The following INPP4B variants were observed in gnomAD, a reference collection of about 807,000 sequenced individuals.
INPP4B encodes inositol polyphosphate 4-phosphatase type II.
Under a neutral mutation model 122.5 loss-of-function variants are expected in INPP4B, and 55 were observed. The observed-to-expected ratio is 0.45, with a 90% confidence interval of 0.36 to 0.56. The LOEUF (loss-of-function observed/expected upper bound fraction) is 0.56. INPP4B is among the 20% of genes least tolerant of loss of function. INPP4B has a pLI of 0.00. For missense variants in INPP4B, 1,000 were observed against 1,097.7 expected, an observed-to-expected ratio of 0.91 and a Z score of 1.26; for synonymous variants, 403 against 388.7, an observed-to-expected ratio of 1.04 and a Z score of -0.43.
rs553282726 is a variant in INPP4B at position 142,176,092 on chromosome 4, TC to T, written c.1182-2284del. Among the ~76,000 whole-genome samples, 591 of 150,078 alleles carry T rather than the reference TC, an allele frequency of 3.9e-3. 6 individuals carry two copies. Among genetic ancestry groups the T allele is most frequent in the African/African-American group, 0.013 (553 of 41,046 alleles). The stretch of plus-strand genomic sequence containing the variant: ...GCTCATGGCCTTGTGGGGTCTTCCA[TC>T]TCTCTCTTCACATGACTGCTTTCTT... On this transcript the variant is annotated intron_variant, in intron 15 of 25. Transcript: ENST00000262992.
chr4:142,529,712 G>C lies in INPP4B; in HGVS notation c.-190-66986C>G, dbSNP rs181372547. 4.1e-4 allele frequency among the ~76,000 whole-genome samples: 62 copies of C among 152,070 alleles called. No individual in the cohort carries two copies. In the East Asian group the frequency reaches 0.011, roughly 26 times the overall value. The stretch of plus-strand genomic sequence containing the variant: ...AAGGGGTCCTCAGACAAAAATATTT[G>C]AGAACTACTGGTTTAAATTTTGATT... On this transcript the variant is annotated intron_variant, in intron 2 of 25. Coordinates refer to ENST00000262992, the MANE Select transcript of INPP4B (RefSeq NM_001101669.3).
At chr4:142,114,115 T>G (rs1448586508) in intron 21 of INPP4B, among the ~76,000 whole-genome samples, 2 of 152,126 alleles carry the variant, frequency 1.3e-5, no homozygotes, top group African/African-American at 2.4e-5. Flanking sequence ...GTTTTTGAAG[T>G]CATCCATGTT....
intron 11 of INPP4B, among the ~76,000 whole-genome samples, chr4:142,259,977 TATTTGTTTTTTGTTC>T (rs547628432): frequency 1.5e-3 from 225 of 152,230 alleles, no homozygotes; most frequent in Middle Eastern, 6.8e-3. Context: ...CAGCACATGA[TATTTGTTTTTTGTTC>T]ATTTGTTTTT....
chr4:142,405,170 A>G, intron 6 of INPP4B, 36 bp downstream of exon 6: 1 of 1,226,596 alleles, frequency 8.2e-7, no homozygotes, highest in Non-Finnish European at 1.2e-6. Context: ...AGAGAGAGAG[A>G]GAGAGAGAGA....
intron 1 of INPP4B, among the ~76,000 whole-genome samples, chr4:142,738,312 A>T (rs1244820128): frequency 1.3e-5 from 2 of 152,176 alleles, no homozygotes; most frequent in Non-Finnish European, 2.9e-5. Context: ...CTTTGTAGGG[A>T]CATGCATGAA....
intron 7 of INPP4B, among the ~76,000 whole-genome samples, chr4:142,335,562 A>G (rs1219242395): frequency 6.6e-6 from 1 of 152,198 alleles, no homozygotes; most frequent in Non-Finnish European, 1.5e-5. Context: ...ATTTACATAT[A>G]TTCACATTTC....
chr4:142,038,136 A>G (rs1511249), intron 25 of INPP4B, among the ~76,000 whole-genome samples: 1 of 152,190 alleles, frequency 6.6e-6, no homozygotes, highest in South Asian at 2.1e-4. Flanking sequence ...TAAACTTTCC[A>G]AAGATTACAT....
intron 23 of INPP4B, among the ~76,000 whole-genome samples, chr4:142,091,009 A>T (rs560584415): frequency 9.2e-5 from 14 of 152,292 alleles, no homozygotes; most frequent in Admixed American, 5.9e-4. Flanking sequence ...ATTTTTATGG[A>T]TACATAAATA....
chr4:142,353,860 C>G (rs1782727795), intron 7 of INPP4B, among the ~76,000 whole-genome samples: 1 of 152,020 alleles, frequency 6.6e-6, no homozygotes, highest in South Asian at 2.1e-4. Flanking sequence ...TCACCCTGTT[C>G]TGTGAGTCCC....
intron 5 of INPP4B, among the ~76,000 whole-genome samples, chr4:142,414,791 C>A (rs181434843): frequency 6.6e-6 from 1 of 152,158 alleles, no homozygotes; most frequent in Non-Finnish European, 1.5e-5. Context: ...GGCCTAGCAC[C>A]GCCTATCGTT....
At chr4:142,440,420 A>C (rs760956602) in intron 3 of INPP4B, among the ~76,000 whole-genome samples, 1 of 152,260 alleles carries the variant, frequency 6.6e-6, no homozygotes, top group Non-Finnish European at 1.5e-5. Context: ...ACGGAGCAGC[A>C]GGAATGAAAG....
intron 2 of INPP4B, among the ~76,000 whole-genome samples, chr4:142,557,588 A>T (rs966051078): frequency 1.3e-5 from 2 of 152,216 alleles, no homozygotes; most frequent in Non-Finnish European, 2.9e-5. Flanking sequence ...CCCGATGTCC[A>T]GGCACAGTTC....
chr4:142,344,714 G>T (rs1056837553), intron 7 of INPP4B, among the ~76,000 whole-genome samples: 2 of 152,008 alleles, frequency 1.3e-5, no homozygotes, highest in Non-Finnish European at 2.9e-5. Context: ...GGGCCTATCA[G>T]AGGGTGGAGA....
chr4:142,639,693 G>A (rs770912890), intron 2 of INPP4B, among the ~76,000 whole-genome samples: 2 of 151,964 alleles, frequency 1.3e-5, no homozygotes, highest in African/African-American at 2.4e-5. Context: ...TTTCTGCCAC[G>A]ACCCTAAATC....
intron 8 of INPP4B, among the ~76,000 whole-genome samples, chr4:142,306,523 A>T (rs1051162879): frequency 2.0e-5 from 3 of 152,224 alleles, no homozygotes; most frequent in Admixed American, 6.5e-5. Flanking sequence ...GAGGCTGGAC[A>T]AAGAATTTGA....
chr4:142,219,034 G>A (rs966389208), intron 12 of INPP4B, among the ~76,000 whole-genome samples: 9 of 152,022 alleles, frequency 5.9e-5, no homozygotes, highest in African/African-American at 2.2e-4. Context: ...CATAAATCAC[G>A]GGCCTATTTT....
Position 142,120,288 on chromosome 4 carries a change from C to T in INPP4B, c.2135+1840G>A, listed in dbSNP as rs188606444. Reference sequence around the variant, plus strand: ...AAGTCAGAAAGTGTAAGTTTTTCCACTTTGTTCTTCTTTTACAAAATGTCT... The same window carrying T: ...AAGTCAGAAAGTGTAAGTTTTTCCATTTTGTTCTTCTTTTACAAAATGTCT... On this transcript the variant is annotated intron_variant, in intron 21 of 25. Coordinates refer to ENST00000262992, the MANE Select transcript of INPP4B (RefSeq NM_001101669.3). Among the ~76,000 whole-genome samples the T allele has an allele frequency of 5.3e-5, 8 of 152,128 alleles. No homozygotes were observed. In the East Asian group the frequency reaches 1.5e-3, roughly 29 times the overall value.
At chr4:142,325,160 G>A (rs1342451436) in intron 7 of INPP4B, among the ~76,000 whole-genome samples, 1 of 152,162 alleles carries the variant, frequency 6.6e-6, no homozygotes, top group Non-Finnish European at 1.5e-5. Context: ...TTTTCTAGGT[G>A]TTGCCAGAAG....
intron 12 of INPP4B, among the ~76,000 whole-genome samples, chr4:142,220,802 C>T (rs894633313): frequency 3.2e-4 from 49 of 152,120 alleles, no homozygotes; most frequent in African/African-American, 1.2e-3. Flanking sequence ...TTGGCTTGCC[C>T]ATGACAGCCT....
Sources: allele counts gnomAD v4.1 joint callset (sites outside exome capture counted in the v4.1 genomes callset), GRCh38; gene constraint gnomAD v4.1.1; transcripts MANE v1.5; gene names NCBI Gene and HGNC (gene_info 2026-07-23, HGNC 2026-07-21).